Variants in RAPGEF2 observed in about 807,000 individuals in gnomAD.
RAPGEF2 encodes the protein PDZ domain containing guanine nucleotide exchange factor (GEF) 1.
RAPGEF2 carries 54 observed loss-of-function variants against 186.7 expected under a neutral mutation model. The ratio of observed to expected loss-of-function variants is 0.29; its 90% CI spans 0.23 to 0.36. The LOEUF is 0.36. RAPGEF2 is among the 10% of genes least tolerant of loss of function. RAPGEF2 has a pLI of 1.00. For synonymous variants in RAPGEF2, 712 were observed against 705.9 expected (o/e 1.01, Z -0.14); for missense variants, 1,532 against 2,045.0 (o/e 0.75, Z 4.84).
intron 11 of RAPGEF2, among the ~76,000 whole-genome samples, chr4:159,326,400 T>A (rs1374237906): frequency 6.6e-6 from 1 of 152,236 alleles, no homozygotes; most frequent in African/African-American, 2.4e-5. Flanking sequence ...AATGATGCTA[T>A]CTTTACCAAG....
intron 7 of RAPGEF2, among the ~76,000 whole-genome samples, chr4:159,275,434 G>T (rs1392734822): frequency 1.3e-5 from 2 of 151,920 alleles, no homozygotes; most frequent in African/African-American, 4.8e-5. Context: ...TTGTAATATT[G>T]ACTTGGTTTG....
At chr4:159,326,308 A>G (rs1005459424) in intron 11 of RAPGEF2, among the ~76,000 whole-genome samples, 2 of 152,224 alleles carry the variant, frequency 1.3e-5, no homozygotes, top group African/African-American at 4.8e-5. Context: ...ATTTTTATTC[A>G]TGCATAAAAT....
intron 1 of RAPGEF2, among the ~76,000 whole-genome samples, chr4:159,147,292 G>A (rs1561011595): frequency 1.3e-5 from 2 of 150,450 alleles, no homozygotes; most frequent in Non-Finnish European, 3.0e-5. Flanking sequence ...AGGAATATAC[G>A]AAAAGAAAAA....
chr4:159,307,879 G>A (rs1044032849), intron 8 of RAPGEF2, among the ~76,000 whole-genome samples: 4 of 152,176 alleles, frequency 2.6e-5, no homozygotes, highest in African/African-American at 4.8e-5. Flanking sequence ...GCTGAGGCAC[G>A]AGAATCTCTT....
chr4:159,148,434 T>A (rs1243593672), intron 1 of RAPGEF2, among the ~76,000 whole-genome samples: 1 of 152,238 alleles, frequency 6.6e-6, no homozygotes. Context: ...TTATGATTCC[T>A]TAATAAAGAG....
intron 17 of RAPGEF2, among the ~76,000 whole-genome samples, chr4:159,333,165 A>G (rs1026795282): frequency 5.9e-5 from 9 of 152,000 alleles, no homozygotes; most frequent in South Asian, 4.2e-4. Flanking sequence ...TTTTTAGTAG[A>G]GACGGGGTTT....
intron 1 of RAPGEF2, among the ~76,000 whole-genome samples, chr4:159,155,408 C>CTT (rs1194117446): frequency 6.6e-6 from 1 of 152,124 alleles, no homozygotes; most frequent in African/African-American, 2.4e-5. Context: ...TCCCTTTGGC[C>CTT]TTAAACAAAG....
chr4:159,243,467 T>C (rs989462459), intron 6 of RAPGEF2, among the ~76,000 whole-genome samples: 6 of 151,980 alleles, frequency 3.9e-5, no homozygotes, highest in Non-Finnish European at 5.9e-5. Flanking sequence ...CTACGCCATA[T>C]TTACTTATTC....
At chr4:159,358,089 T>C in intron 29 of RAPGEF2, 25 bp from the exon 30 acceptor site, 1 of 1,609,308 alleles carries the variant, frequency 6.2e-7, no homozygotes. Context: ...CATTGATTTC[T>C]TTTTCTTCCC....
At chr4:159,352,293 CTG>C (rs1731306063) in intron 26 of RAPGEF2, among the ~76,000 whole-genome samples, 1 of 152,092 alleles carries the variant, frequency 6.6e-6, no homozygotes, top group South Asian at 2.1e-4. Context: ...AAATTGAAAA[CTG>C]TTGAAAACAA....
At chr4:159,307,243 T>G (rs1763411104) in intron 8 of RAPGEF2, among the ~76,000 whole-genome samples, 1 of 152,186 alleles carries the variant, frequency 6.6e-6, no homozygotes, top group Non-Finnish European at 1.5e-5. Context: ...TTTTATTTTT[T>G]TAATTATTGA....
chr4:159,323,536 GGGAAATAGTTTT>G lies in RAPGEF2; in HGVS notation c.1071_1082del (p.Asn358_Gly361del). 6.2e-7 allele frequency: 1 copy of G among 1,613,106 alleles called. No individual in the cohort carries two copies. The highest frequency in any genetic ancestry group is 8.5e-7 in the Non-Finnish European group (1 of 1,179,440). ...ATGGAAAAGCAGAAATACTGTGCAT[GGGAAATAGTTTT>G]GGTGTCTCTCCTACCATGGACAAAG... is the stretch of plus-strand genomic sequence containing the variant. On this transcript the variant is annotated inframe_deletion, in exon 11 of 30. Coordinates refer to ENST00000691494, the MANE Select transcript of RAPGEF2 (RefSeq NM_001394067.2).
At chr4:159,297,869 A>G (rs1419424078) in intron 7 of RAPGEF2, among the ~76,000 whole-genome samples, 1 of 152,212 alleles carries the variant, frequency 6.6e-6, no homozygotes, top group Non-Finnish European at 1.5e-5. Context: ...TGATCACTCT[A>G]TTATGTTATA....
At chr4:159,238,691 G>A (rs1245443270) in intron 4 of RAPGEF2, 118 bp from the exon 5 acceptor site, 23 of 579,842 alleles carry the variant, frequency 4.0e-5, no homozygotes, top group Non-Finnish European at 5.8e-5. Flanking sequence ...TCTCCAATGT[G>A]TACTTTTTGT....
chr4:159,246,108 G>T (rs763343019), intron 7 of RAPGEF2, among the ~76,000 whole-genome samples: 1 of 152,050 alleles, frequency 6.6e-6, no homozygotes, highest in Non-Finnish European at 1.5e-5. Context: ...CTTATTGGTC[G>T]TGTAAAAGGA....
At chr4:159,330,661 C>A in intron 13 of RAPGEF2, 163 bp downstream of exon 13, 2 of 552,196 alleles carry the variant, frequency 3.6e-6, no homozygotes, top group Non-Finnish European at 3.0e-6. Flanking sequence ...AAAGGTGATA[C>A]AAAATATTAG....
intron 19 of RAPGEF2, among the ~76,000 whole-genome samples, chr4:159,339,934 G>A (rs1729154421): frequency 6.6e-6 from 1 of 152,138 alleles, no homozygotes; most frequent in South Asian, 2.1e-4. Context: ...GTCCTTTGCT[G>A]CAGAAGTGCT....
intron 3 of RAPGEF2, among the ~76,000 whole-genome samples, chr4:159,198,018 T>C (rs960084887): frequency 6.6e-6 from 1 of 152,186 alleles, no homozygotes; most frequent in Non-Finnish European, 1.5e-5. Context: ...CACGATGCCT[T>C]CCATCCTGAA....
chr4:159,196,055 A>G (rs79472974), intron 3 of RAPGEF2, among the ~76,000 whole-genome samples: 4,187 of 152,128 alleles, frequency 0.028, 189 homozygotes, highest in African/African-American at 0.096. Context: ...AGTAGGTGAC[A>G]GTGTTAGTAA....
Sources: gnomAD v4.1 joint callset for allele counts (sites outside exome capture counted in the v4.1 genomes callset) on GRCh38, gnomAD v4.1.1 for gene constraint, MANE v1.5 for transcripts, NCBI Gene and HGNC (gene_info 2026-07-23, HGNC 2026-07-21) for gene names.